Variants in RCAN2 observed in about 807,000 individuals in gnomAD.
RCAN2 encodes regulator of calcineurin 2, also known as calcipressin-2.
In RCAN2, 9 loss-of-function variants were observed where a neutral mutation model predicts 23.6. The ratio of observed to expected loss-of-function variants is 0.38; its 90% confidence interval spans 0.23 to 0.67. The LOEUF (loss-of-function observed/expected upper bound fraction) is 0.67. RCAN2 is among the 30% of genes least tolerant of loss of function. The pLI is 0.51. For missense variants in RCAN2, 273 were observed against 302.3 expected (o/e 0.90, Z 0.72); for synonymous variants, 109 against 115.7 (o/e 0.94, Z 0.37).
At position 46,417,539 on chromosome 6, in the gene RCAN2, G is replaced by C. The variant is rs372850245; in HGVS notation, c.225+39213C>G. Among the ~76,000 whole-genome samples the C allele has an allele frequency of 8.1e-4, 123 of 152,264 alleles. 1 individual carries two copies. The highest frequency in any genetic ancestry group is 2.8e-3 in the African/African-American group (116 of 41,568). ...AAAAAGCAGGACACTCTTCATTTAT[G>C]ATAACCAAGAACTGCAGGGAAAGAA... On this transcript the variant is annotated intron_variant, in intron 2 of 4. Coordinates refer to ENST00000371374, the MANE Select transcript of RCAN2 (RefSeq NM_001251974.2).
chr6:46,343,021 C>T (rs907269155), intron 2 of RCAN2, among the ~76,000 whole-genome samples: 2 of 152,002 alleles, frequency 1.3e-5, no homozygotes, highest in South Asian at 4.2e-4. Context: ...CAAGATTTTC[C>T]TCAAATCGAT....
Position 46,303,674 on chromosome 6 carries a change from G to T in RCAN2, c.226-54778C>A, listed in dbSNP as rs900475197. ...AACCACCTCCTCCAATCCTCAGGTT[G>T]ACCATTATTCTGACTTCTGTCACTA... On this transcript the variant is annotated intron_variant, in intron 2 of 4. Transcript: ENST00000371374. Among the ~76,000 whole-genome samples, 17 of 152,030 alleles carry T rather than the reference G, an allele frequency of 1.1e-4. 1 individual carries two copies. Among genetic ancestry groups the T allele is most frequent in the Admixed American group, 1.0e-3 (16 of 15,248 alleles).
chr6:46,421,345 A>C (rs964570764), intron 2 of RCAN2, among the ~76,000 whole-genome samples: 1 of 152,176 alleles, frequency 6.6e-6, no homozygotes, highest in Non-Finnish European at 1.5e-5. Context: ...AAAATGAAGA[A>C]AGCACGCAGA....
At chr6:46,306,238 C>T (rs114510378) in intron 2 of RCAN2, among the ~76,000 whole-genome samples, 6 of 152,230 alleles carry the variant, frequency 3.9e-5, no homozygotes, top group Non-Finnish European at 5.9e-5. Flanking sequence ...TGTCAACAGA[C>T]GGCTCCACTG....
At chr6:46,267,774 T>G (rs1767387684) in intron 2 of RCAN2, among the ~76,000 whole-genome samples, 1 of 152,218 alleles carries the variant, frequency 6.6e-6, no homozygotes, top group African/African-American at 2.4e-5. Flanking sequence ...GAAGGAGTCT[T>G]CTATACTTTA....
intron 2 of RCAN2, among the ~76,000 whole-genome samples, chr6:46,443,495 T>C (rs888965926): frequency 6.6e-6 from 1 of 152,054 alleles, no homozygotes; most frequent in African/African-American, 2.4e-5. Context: ...TAAATATTTA[T>C]TTTATTTATT....
At position 46,451,531 on chromosome 6, in the gene RCAN2, T is replaced by C. The variant is rs187187372; in HGVS notation, c.225+5221A>G. Among the ~76,000 whole-genome samples, 323 of 152,280 alleles carry C rather than the reference T, an allele frequency of 2.1e-3. 2 individuals carry two copies. The highest frequency in any genetic ancestry group is 7.2e-3 in the African/African-American group (298 of 41,570). On this transcript the variant is annotated intron_variant, in intron 2 of 4. Transcript: ENST00000371374. Reference sequence around the variant, plus strand: ...ATAAGAGATTGTGGACCGGCAGTTGTAAAGTTCAAAGTAAACATCGACATT... The same window carrying C: ...ATAAGAGATTGTGGACCGGCAGTTGCAAAGTTCAAAGTAAACATCGACATT...
intron 2 of RCAN2, among the ~76,000 whole-genome samples, chr6:46,263,732 T>TAA (rs55819293): frequency 0.76 from 110,589 of 145,308 alleles, 42,201 homozygotes; most frequent in Non-Finnish European, 0.81. Context: ...ATGTTGTTTC[T>TAA]AAAAAAAAAA....
At chr6:46,407,998 T>C (rs901487775) in intron 2 of RCAN2, among the ~76,000 whole-genome samples, 1 of 152,218 alleles carries the variant, frequency 6.6e-6, no homozygotes, top group Admixed American at 6.5e-5. Context: ...GCTTTGATTT[T>C]TCAGTCATCA....
chr6:46,405,898 C>G (rs1438099638), intron 2 of RCAN2, among the ~76,000 whole-genome samples: 1 of 152,214 alleles, frequency 6.6e-6, no homozygotes. Context: ...CTGCAGGTCC[C>G]GAGCCCTGCC....
At chr6:46,482,068 T>C (rs1768876725) in intron 1 of RCAN2, among the ~76,000 whole-genome samples, 1 of 151,852 alleles carries the variant, frequency 6.6e-6, no homozygotes, top group Non-Finnish European at 1.5e-5. Flanking sequence ...AAAAACTGAG[T>C]AAAAAACACT....
intron 2 of RCAN2, among the ~76,000 whole-genome samples, chr6:46,325,212 A>G (rs1265679229): frequency 6.6e-6 from 1 of 152,260 alleles, no homozygotes; most frequent in Non-Finnish European, 1.5e-5. Context: ...TTTAAAAATA[A>G]TATGCTGGTC....
rs193294793 is a variant in RCAN2, at chr6:46,332,203, T to C, written c.226-83307A>G. Among the ~76,000 whole-genome samples, 15 of 152,306 alleles carry C rather than the reference T, an allele frequency of 9.8e-5. No homozygotes were observed. In the East Asian group the frequency reaches 2.7e-3, roughly 27 times the overall value. ...ATGGCTCAAAAATCAAAACTACAGA[T>C]CTATAAAGAAATCCAGCTTCTATCC... On this transcript the variant is annotated intron_variant, in intron 2 of 4. Transcript: ENST00000371374.
chr6:46,466,754 C>T (rs746492182), intron 1 of RCAN2, among the ~76,000 whole-genome samples: 9 of 152,144 alleles, frequency 5.9e-5, no homozygotes, highest in African/African-American at 9.7e-5. Flanking sequence ...GCCTCATCAA[C>T]GCTGAAAAAA....
intron 1 of RCAN2, among the ~76,000 whole-genome samples, chr6:46,465,686 C>A (rs187802012): frequency 6.6e-6 from 1 of 152,148 alleles, no homozygotes; most frequent in African/African-American, 2.4e-5. Flanking sequence ...CCTGCTGGTA[C>A]CTCCCATTGG....
At chr6:46,386,606 C>G (rs548260598) in intron 2 of RCAN2, among the ~76,000 whole-genome samples, 1 of 81,226 alleles carries the variant, frequency 1.2e-5, no homozygotes, top group East Asian at 3.7e-4. Context: ...AAAACTCTGT[C>G]TCACAAAAAA....
chr6:46,321,051 C>T (rs750299711), intron 2 of RCAN2, among the ~76,000 whole-genome samples: 13 of 152,168 alleles, frequency 8.5e-5, no homozygotes, highest in Admixed American at 2.0e-4. Context: ...ACCTACTATT[C>T]ACTCTATGTG....
intron 2 of RCAN2, among the ~76,000 whole-genome samples, chr6:46,377,525 G>A (rs1765510349): frequency 6.6e-6 from 1 of 152,180 alleles, no homozygotes; most frequent in Admixed American, 6.5e-5. Context: ...ACCAATTGAA[G>A]AAGACCCTCG....
At chr6:46,354,902 T>C (rs1231106476) in intron 2 of RCAN2, among the ~76,000 whole-genome samples, 10 of 31,944 alleles carry the variant, frequency 3.1e-4, no homozygotes, top group Admixed American at 7.1e-4. Flanking sequence ...TATATATGTG[T>C]GTGTGTGTGT....
Sources: gnomAD v4.1 joint callset for allele counts (sites outside exome capture counted in the v4.1 genomes callset) on GRCh38, gnomAD v4.1.1 for gene constraint, MANE v1.5 for transcripts, NCBI Gene and HGNC (gene_info 2026-07-23, HGNC 2026-07-21) for gene names.